Variants in TPST1 observed in about 807,000 individuals in gnomAD.
TPST1 encodes the protein tyrosylprotein sulfotransferase 1, also known as protein-tyrosine sulfotransferase 1.
Under a neutral mutation model 34.8 loss-of-function variants are expected in TPST1, and 20 were observed. The ratio of observed to expected loss-of-function variants is 0.57; its 90% confidence interval spans 0.40 to 0.84. The LOEUF (loss-of-function observed/expected upper bound fraction) is 0.84. Ranked by LOEUF, TPST1 falls within the 40% of genes least tolerant of loss-of-function variation. The pLI is 0.00. For missense variants in TPST1, 353 were observed against 455.5 expected (o/e 0.78, Z 2.05); for synonymous variants, 152 against 159.4 (o/e 0.95, Z 0.35).
chr7:66,216,132 A>G (rs1309219370), intron 1 of TPST1, among the ~76,000 whole-genome samples: 1 of 152,146 alleles, frequency 6.6e-6, no homozygotes, highest in African/African-American at 2.4e-5. Context: ...AGATTTATTC[A>G]GATTTTTAAT....
chr7:66,208,216 G>A (rs530045017), intron 1 of TPST1, among the ~76,000 whole-genome samples: 1 of 152,118 alleles, frequency 6.6e-6, no homozygotes, highest in African/African-American at 2.4e-5. Context: ...CCCCTTCCTG[G>A]GCCCTTTGTG....
chr7:66,272,625 G>C (rs1790726582), intron 2 of TPST1, among the ~76,000 whole-genome samples: 1 of 141,210 alleles, frequency 7.1e-6, no homozygotes. Flanking sequence ...GTTTCACTCT[G>C]TTGCCCAGGT....
At position 66,306,141 on chromosome 7, in the gene TPST1, G is replaced by A. The variant is rs537757046; in HGVS notation, c.1044+19432G>A. On this transcript the variant is annotated intron_variant, in intron 3 of 5. Coordinates refer to ENST00000304842, the MANE Select transcript of TPST1 (RefSeq NM_003596.4). ...GCACTGGACTGGCTGGAGTGTGCAC[G>A]TCTCTCTCTCTCTCTCTCTGGACAT... Among the ~76,000 whole-genome samples, 136 of 150,078 alleles carry A rather than the reference G, an allele frequency of 9.1e-4. 1 individual carries two copies. The South Asian group carries it at 0.013, about 14-fold the overall frequency.
chr7:66,358,355 T>C (rs1183172369), intron 5 of TPST1, among the ~76,000 whole-genome samples: 3 of 151,662 alleles, frequency 2.0e-5, no homozygotes, highest in Non-Finnish European at 4.4e-5. Flanking sequence ...ATGTTTTTAT[T>C]TTTACTTTAT....
intron 1 of TPST1, among the ~76,000 whole-genome samples, chr7:66,216,248 A>G (rs1224482743): frequency 1.3e-5 from 2 of 152,052 alleles, no homozygotes; most frequent in Admixed American, 6.6e-5. Flanking sequence ...TTATTTTTGT[A>G]GGGTTGGTAG....
Position 66,308,190 on chromosome 7 carries a change from A to G in TPST1, c.1044+21481A>G, listed in dbSNP as rs142639179. ...AGTGGTAAAGTGTTCAGTCCTTACT[A>G]AATCCTAGTAGCAAGCAAGGGCTCT... On this transcript the variant is annotated intron_variant, in intron 3 of 5. Transcript: ENST00000304842. Among the ~76,000 whole-genome samples, 88 of 152,286 alleles carry G rather than the reference A, an allele frequency of 5.8e-4. No individual in the cohort carries two copies. In the East Asian group the frequency reaches 0.017, roughly 29 times the overall value.
At chr7:66,297,522 A>T (rs1489588394) in intron 3 of TPST1, among the ~76,000 whole-genome samples, 1 of 152,176 alleles carries the variant, frequency 6.6e-6, no homozygotes, top group Non-Finnish European at 1.5e-5. Context: ...ACAATTCAAG[A>T]ACCTGGTTGC....
At chr7:66,248,209 G>T (rs1035942075) in intron 2 of TPST1, among the ~76,000 whole-genome samples, 4 of 151,980 alleles carry the variant, frequency 2.6e-5, no homozygotes, top group Non-Finnish European at 5.9e-5. Context: ...TTAAGCTAAA[G>T]ATATTGAATT....
At chr7:66,225,705 G>A (rs1326048726) in intron 1 of TPST1, among the ~76,000 whole-genome samples, 1 of 152,222 alleles carries the variant, frequency 6.6e-6, no homozygotes, top group Admixed American at 6.5e-5. Context: ...CATGCACACA[G>A]TGTTTTAGTA....
chr7:66,292,848 G>A (rs1278435744), intron 3 of TPST1, among the ~76,000 whole-genome samples: 3 of 151,946 alleles, frequency 2.0e-5, no homozygotes, highest in South Asian at 2.1e-4. Context: ...GCTGTAGACC[G>A]GAGCTGTTCC....
At chr7:66,337,757 G>C (rs1392683842) in intron 3 of TPST1, among the ~76,000 whole-genome samples, 1 of 152,214 alleles carries the variant, frequency 6.6e-6, no homozygotes, top group African/African-American at 2.4e-5. Context: ...TCTTTGCAAA[G>C]TTAAGTGATT....
At chr7:66,226,154 T>C (rs1290979927) in intron 1 of TPST1, among the ~76,000 whole-genome samples, 2 of 152,162 alleles carry the variant, frequency 1.3e-5, no homozygotes, top group Non-Finnish European at 1.5e-5. Flanking sequence ...CCCAAAGTGC[T>C]GGGATTACAG....
chr7:66,286,770 GT>G, intron 3 of TPST1, 61 bp downstream of exon 3: 1 of 1,266,728 alleles, frequency 7.9e-7, no homozygotes, highest in Non-Finnish European at 1.0e-6. Flanking sequence ...ATCTGAATAC[GT>G]TTTTTTCTTA....
intron 1 of TPST1, among the ~76,000 whole-genome samples, chr7:66,229,312 G>C (rs1389764048): frequency 6.6e-6 from 1 of 152,054 alleles, no homozygotes; most frequent in Non-Finnish European, 1.5e-5. Flanking sequence ...GGGTTTCACT[G>C]TGTTAGCCAG....
intron 3 of TPST1, among the ~76,000 whole-genome samples, chr7:66,352,065 T>C (rs999280271): frequency 6.6e-6 from 1 of 152,146 alleles, no homozygotes. Context: ...TCTGGGTAAA[T>C]TGAGAAAAGT....
At chr7:66,340,441 A>G (rs543173676) in intron 3 of TPST1, among the ~76,000 whole-genome samples, 2 of 152,328 alleles carry the variant, frequency 1.3e-5, no homozygotes, top group Admixed American at 1.3e-4. Context: ...GGAAAGGAAG[A>G]AACCACATTA....
intron 3 of TPST1, among the ~76,000 whole-genome samples, chr7:66,304,743 G>A (rs1465499272): frequency 6.6e-6 from 1 of 152,024 alleles, no homozygotes; most frequent in East Asian, 1.9e-4. Flanking sequence ...TGATATGAAT[G>A]TATTCCACTA....
chr7:66,247,108 C>T (rs1005660656), intron 2 of TPST1, among the ~76,000 whole-genome samples: 2 of 152,154 alleles, frequency 1.3e-5, no homozygotes, highest in Admixed American at 1.3e-4. Context: ...GTCACCACTG[C>T]TTCTTCATTG....
chr7:66,215,081 A>G (rs900196694), intron 1 of TPST1, among the ~76,000 whole-genome samples: 1 of 147,824 alleles, frequency 6.8e-6, no homozygotes, highest in Non-Finnish European at 1.5e-5. Flanking sequence ...TTTGAGATGG[A>G]GTCTCTCTCT....
Sources: gnomAD v4.1 joint callset for allele counts (sites outside exome capture counted in the v4.1 genomes callset) on GRCh38, gnomAD v4.1.1 for gene constraint, MANE v1.5 for transcripts, NCBI Gene and HGNC (gene_info 2026-07-23, HGNC 2026-07-21) for gene names.